Variants in PCDH15 observed in about 807,000 individuals in gnomAD.
PCDH15 encodes protocadherin-15.
In PCDH15, 129 loss-of-function variants were observed where a neutral mutation model predicts 178.5. The observed-to-expected ratio is 0.72, with a 90% CI of 0.63 to 0.84. The LOEUF is 0.84. Ranked by LOEUF, PCDH15 falls within the 40% of genes least tolerant of loss-of-function variation. The pLI, the probability that PCDH15 is intolerant of heterozygous loss-of-function variation, is 0.00. For missense variants in PCDH15, 2,230 were observed against 2,099.9 expected, an observed-to-expected ratio of 1.06 and a Z score of -1.21; for synonymous variants, 800 against 732.0, an observed-to-expected ratio of 1.09 and a Z score of -1.50.
At chr10:55,060,803 A>G (rs561968123) in intron 2 of PCDH15, among the ~76,000 whole-genome samples, 1 of 152,208 alleles carries the variant, frequency 6.6e-6, no homozygotes, top group African/African-American at 2.4e-5. Flanking sequence ...ATACAGGAGA[A>G]AAAACAATAC....
chr10:55,592,996 T>A (rs1842872511), intron 2 of PCDH15, among the ~76,000 whole-genome samples: 1 of 152,026 alleles, frequency 6.6e-6, no homozygotes, highest in African/African-American at 2.4e-5. Context: ...AAAGAAATAA[T>A]CTTCTATGTG....
At chr10:54,300,752 T>C (rs1283137979) in intron 8 of PCDH15, among the ~76,000 whole-genome samples, 1 of 152,040 alleles carries the variant, frequency 6.6e-6, no homozygotes, top group Non-Finnish European at 1.5e-5. Flanking sequence ...CAATCAGCAC[T>C]TGGTAAAATC....
rs554124050 is a variant in PCDH15, at chr10:54,822,656, C to A, written c.-29+74794G>T. On this transcript the variant is annotated intron_variant, in intron 3 of 5. Transcript: ENST00000458638. ...CTTTCTTTGGATATATACCAAGCTT[C>A]TGGATTGCTGGATCACATGGTAATT... Among the ~76,000 whole-genome samples the A allele has an allele frequency of 9.9e-5, 15 of 152,068 alleles. No homozygotes were observed. In the South Asian group the frequency reaches 2.7e-3, roughly 27 times the overall value.
chr10:55,585,439 G>A (rs1842708049), intron 2 of PCDH15, among the ~76,000 whole-genome samples: 1 of 152,154 alleles, frequency 6.6e-6, no homozygotes, highest in African/African-American at 2.4e-5. Context: ...AGTATTTTGA[G>A]AGGCCAAGGA....
At chr10:54,533,081 C>T (rs960631180) in intron 2 of PCDH15, among the ~76,000 whole-genome samples, 10 of 152,106 alleles carry the variant, frequency 6.6e-5, no homozygotes, top group South Asian at 2.1e-4. Context: ...ATTAATCTTT[C>T]TTAAATGCAT....
At chr10:53,955,978 G>T (rs1401460429) in intron 23 of PCDH15, among the ~76,000 whole-genome samples, 2 of 151,982 alleles carry the variant, frequency 1.3e-5, no homozygotes, top group East Asian at 3.9e-4. Flanking sequence ...GCTAGCAATT[G>T]AACATATTAA....
chr10:54,636,029 C>T (rs1428531907), intron 2 of PCDH15, among the ~76,000 whole-genome samples: 1 of 151,628 alleles, frequency 6.6e-6, no homozygotes, highest in Non-Finnish European at 1.5e-5. Flanking sequence ...AGTAAAGAAA[C>T]AGAAGCTCAA....
chr10:54,069,778 T>C (rs1352208540), intron 17 of PCDH15, among the ~76,000 whole-genome samples: 1 of 152,188 alleles, frequency 6.6e-6, no homozygotes, highest in Non-Finnish European at 1.5e-5. Flanking sequence ...ATAGAGAATG[T>C]TTATGTCTTA....
At chr10:54,345,812 A>G (rs1402543295) in intron 6 of PCDH15, among the ~76,000 whole-genome samples, 1 of 137,364 alleles carries the variant, frequency 7.3e-6, no homozygotes, top group Non-Finnish European at 1.5e-5. Flanking sequence ...AAAAAAAAAA[A>G]AAAAAAAAAA....
At chr10:55,388,965 T>C (rs190713641) in intron 2 of PCDH15, among the ~76,000 whole-genome samples, 1 of 152,122 alleles carries the variant, frequency 6.6e-6, no homozygotes, top group Non-Finnish European at 1.5e-5. Flanking sequence ...GAATGATAAT[T>C]GTGGGAAATC....
intron 2 of PCDH15, among the ~76,000 whole-genome samples, chr10:55,329,289 T>C (rs1182379890): frequency 7.3e-5 from 11 of 151,626 alleles, no homozygotes; most frequent in Admixed American, 7.3e-4. Flanking sequence ...CATGAAGTTT[T>C]AAAAGGCTAC....
At chr10:54,703,589 C>A (rs1183575263) in intron 1 of PCDH15, among the ~76,000 whole-genome samples, 5 of 151,742 alleles carry the variant, frequency 3.3e-5, no homozygotes, top group Non-Finnish European at 5.9e-5. Flanking sequence ...CTAACAACAT[C>A]CAAGATGAGA....
chr10:55,072,088 A>T (rs865939849), intron 2 of PCDH15, among the ~76,000 whole-genome samples: 5 of 152,278 alleles, frequency 3.3e-5, no homozygotes, highest in African/African-American at 1.2e-4. Context: ...TCTGGAACAC[A>T]TTCAAAACAA....
rs1477844860 is a variant in PCDH15 at position 55,412,517 on chromosome 10, T to G, written c.-156+215108A>C. ...CTGAGAGAAATCTTAAAAGGAAGAC[T>G]GGTTTCAAATTATGAATGGCACAAT... On this transcript the variant is annotated intron_variant, in intron 2 of 5. Transcript: ENST00000613346. 7.2e-5 allele frequency among the ~76,000 whole-genome samples: 11 copies of G among 151,894 alleles called. 1 individual carries two copies. Among genetic ancestry groups the G allele is most frequent in the Admixed American group, 7.2e-4 (11 of 15,206 alleles).
Position 54,753,864 on chromosome 10 carries a change from T to TG in PCDH15, c.-29+47060_-29+47061insC, listed in dbSNP as rs1483603416. ...ACCCAAATCCTTTTTCTATTGTTTT[T>TG]TTTTTGTTGTTGTTTTTTTGTTTGT... On this transcript the variant is annotated intron_variant, in intron 1 of 37. Transcript: ENST00000644397. 3.4e-5 allele frequency among the ~76,000 whole-genome samples: 3 copies of TG among 89,440 alleles called. No individual in the cohort carries two copies. In the East Asian group the frequency reaches 7.1e-4, roughly 21 times the overall value. The allele number at this position is 89,440 out of a possible 152,430, so 58.7% of individuals were successfully genotyped here. A position where few individuals can be genotyped will look rare whatever the true frequency, so the allele number is the denominator to read the frequency against.
intron 1 of PCDH15, among the ~76,000 whole-genome samples, chr10:54,683,807 A>G (rs1354233295): frequency 1.3e-5 from 2 of 151,972 alleles, no homozygotes; most frequent in African/African-American, 4.8e-5. Context: ...TGCAATCCTG[A>G]CTCTGCCTCT....
intron 15 of PCDH15, among the ~76,000 whole-genome samples, chr10:54,104,845 C>CAA (rs56195842): frequency 0.012 from 576 of 48,400 alleles, no homozygotes; most frequent in East Asian, 0.035. Context: ...TCAACAACAA[C>CAA]AAAAAAAAAA....
chr10:55,258,334 T>G (rs1395570563), intron 1 of PCDH15, among the ~76,000 whole-genome samples: 4 of 152,168 alleles, frequency 2.6e-5, no homozygotes, highest in African/African-American at 9.7e-5. Context: ...AATTAACTCT[T>G]GCCCTACCCT....
intron 2 of PCDH15, among the ~76,000 whole-genome samples, chr10:54,619,585 A>G (rs1008255949): frequency 2.0e-5 from 3 of 152,004 alleles, no homozygotes; most frequent in Non-Finnish European, 4.4e-5. Context: ...GAATGCAGAG[A>G]TGTTAAGCAG....
Sources: allele counts gnomAD v4.1 joint callset (sites outside exome capture counted in the v4.1 genomes callset), GRCh38; gene constraint gnomAD v4.1.1; transcripts MANE v1.5; gene names NCBI Gene and HGNC (gene_info 2026-07-23, HGNC 2026-07-21).